The following ARHGAP39 variants were observed in gnomAD, a reference collection of about 807,000 sequenced individuals.
ARHGAP39 encodes the protein Rho GTPase activating protein 39, also known as rho GTPase-activating protein 39.
ARHGAP39 carries 44 observed loss-of-function variants against 106.9 expected under a neutral mutation model. The observed-to-expected ratio is 0.41, with a 90% CI of 0.32 to 0.53. The LOEUF is 0.53. Among genes scored for constraint, ARHGAP39 ranks in the 20% least tolerant of loss-of-function variants. The pLI is 0.21. For missense variants in ARHGAP39, 1,496 were observed against 1,577.3 expected (o/e 0.95, Z 0.87); for synonymous variants, 768 against 693.2 (o/e 1.11, Z -1.69).
intron 1 of ARHGAP39, among the ~76,000 whole-genome samples, chr8:144,611,126 G>A (rs983403298): frequency 2.0e-5 from 3 of 152,174 alleles, no homozygotes; most frequent in Non-Finnish European, 4.4e-5. Flanking sequence ...GCCTCAGAAA[G>A]CTTTCTAACC....
chr8:144,601,810 T>G (rs376718882), intron 2 of ARHGAP39, among the ~76,000 whole-genome samples: 250 of 137,942 alleles, frequency 1.8e-3, no homozygotes, highest in African/African-American at 6.3e-3. Context: ...CCTGTGTGTG[T>G]GTGTGGAGGC....
chr8:144,558,007 G>C (rs1344484771), intron 3 of ARHGAP39, among the ~76,000 whole-genome samples: 1 of 152,246 alleles, frequency 6.6e-6, no homozygotes, highest in African/African-American at 2.4e-5. Flanking sequence ...AGTGCGGAGA[G>C]ACCTCACTTA....
intron 1 of ARHGAP39, among the ~76,000 whole-genome samples, chr8:144,643,204 G>A (rs749711048): frequency 8.5e-4 from 129 of 152,258 alleles, no homozygotes; most frequent in Non-Finnish European, 1.6e-3. Flanking sequence ...GCTCACGTTT[G>A]TAATTGTAGC....
rs1403872400 is a variant in ARHGAP39 at position 144,548,391 on chromosome 8, T to C, written c.695A>G (p.Tyr232Cys). The change falls in exon 5 of 12, where the codon TAC becomes TGC. Residue 232 changes from tyrosine to cysteine, a missense_variant. By Grantham distance (194) the Tyr-to-Cys change is radical. This residue lies in a region of ARHGAP39 where 905 missense variants were observed against 816.4 expected (regional missense o/e 1.11). Transcript: ENST00000377307. The surrounding 1 kb of genome is among the most constrained non-coding windows in gnomAD (Gnocchi z 7.4). ...GACCCCAGGTGGGCCGTCTGGGGCG[T>C]AGCCATTGCCCTGGGCGGCGAGGAA... ...PSFLAAQGNG[Y>C]APDGPPGVRS... The C allele has an allele frequency of 4.3e-6, 7 of 1,610,470 alleles. No individual in the cohort carries two copies. Among genetic ancestry groups the C allele is most frequent in the Non-Finnish European group, 5.9e-6 (7 of 1,179,244 alleles).
chr8:144,541,133 G>A (rs1817174293), intron 6 of ARHGAP39, among the ~76,000 whole-genome samples: 1 of 152,244 alleles, frequency 6.6e-6, no homozygotes, highest in Non-Finnish European at 1.5e-5. Context: ...TGACAGGCGT[G>A]AGCCACCGCG....
intron 2 of ARHGAP39, among the ~76,000 whole-genome samples, chr8:144,581,829 C>T (rs1290938129): frequency 6.6e-6 from 1 of 152,162 alleles, no homozygotes; most frequent in Admixed American, 6.5e-5. Flanking sequence ...AGAGTCTCCA[C>T]CCGGCCCTCA....
intron 1 of ARHGAP39, among the ~76,000 whole-genome samples, chr8:144,620,422 G>A (rs1473309214): frequency 5.8e-5 from 3 of 51,746 alleles, no homozygotes; most frequent in Non-Finnish European, 1.1e-4. Flanking sequence ...TGTGTCCAAG[G>A]GAGCGTGTGT....
rs1018991306 is a variant in ARHGAP39 at position 144,591,316 on chromosome 8, G to C, written c.81-10039C>G. On this transcript the variant is annotated intron_variant, in intron 2 of 11. Coordinates refer to ENST00000377307, the MANE Select transcript of ARHGAP39 (RefSeq NM_025251.3). The surrounding 1 kb of genome is among the most constrained non-coding windows in gnomAD (Gnocchi z 5.3). The stretch of plus-strand genomic sequence containing the variant: ...CTGCTGGGACATTGAAAAGGACAAC[G>C]GCAGATGCAGCAGCCTCAGGGCACC... Among the ~76,000 whole-genome samples, 2 of 152,316 alleles carry C rather than the reference G, an allele frequency of 1.3e-5. No homozygotes were observed. Among genetic ancestry groups the C allele is most frequent in the East Asian group, 3.9e-4 (2 of 5,180 alleles).
chr8:144,566,004 G>A (rs1441299842), intron 3 of ARHGAP39, among the ~76,000 whole-genome samples: 1 of 151,880 alleles, frequency 6.6e-6, no homozygotes, highest in Non-Finnish European at 1.5e-5. Flanking sequence ...AGAGGTGGGA[G>A]GATCGCTTGA....
intron 10 of ARHGAP39, among the ~76,000 whole-genome samples, chr8:144,531,121 C>G (rs1816692833): frequency 6.6e-6 from 1 of 152,254 alleles, no homozygotes; most frequent in African/African-American, 2.4e-5. Context: ...GGATTTTTCT[C>G]AGGAGTCGTC....
rs1012658822 is a variant in ARHGAP39, at chr8:144,684,363, T to C, written c.-82+1323A>G. Among the ~76,000 whole-genome samples, 1 of 152,232 alleles carries C rather than the reference T, an allele frequency of 6.6e-6. No individual in the cohort carries two copies. The highest frequency in any genetic ancestry group is 1.5e-5 in the Non-Finnish European group (1 of 68,038). On this transcript the variant is annotated intron_variant, in intron 1 of 11. Transcript: ENST00000377307. This position sits in a 1 kb window ranked among gnomAD's most constrained non-coding sequence, Gnocchi z 4.4. ...ATCGGGCGCCGCCGACGGAACCACC[T>C]GCTGTCTATAGAGGGCACCTAGGAC...
intron 1 of ARHGAP39, among the ~76,000 whole-genome samples, chr8:144,667,782 G>A (rs140993093): frequency 1.1e-3 from 168 of 152,302 alleles, no homozygotes; most frequent in African/African-American, 3.8e-3. Context: ...AGGACCAAGA[G>A]CACCCACTGC....
At chr8:144,549,595 C>T (rs888768564) in intron 4 of ARHGAP39, among the ~76,000 whole-genome samples, 1 of 152,110 alleles carries the variant, frequency 6.6e-6, no homozygotes, top group Non-Finnish European at 1.5e-5. Context: ...CAAGTTCAAG[C>T]GATTCTCCTG....
At chr8:144,652,427 A>G (rs1317254973) in intron 1 of ARHGAP39, among the ~76,000 whole-genome samples, 1 of 152,192 alleles carries the variant, frequency 6.6e-6, no homozygotes, top group African/African-American at 2.4e-5. Flanking sequence ...CCAGAGAAAT[A>G]TAAATCATTC....
intron 1 of ARHGAP39, among the ~76,000 whole-genome samples, chr8:144,623,128 G>A (rs1820846531): frequency 1.3e-5 from 2 of 152,130 alleles, no homozygotes; most frequent in Admixed American, 1.3e-4. Context: ...TTTGGAGGAG[G>A]GCAAAAATAC....
At chr8:144,613,490 GTT>G (rs59528973) in intron 1 of ARHGAP39, among the ~76,000 whole-genome samples, 1 of 143,434 alleles carries the variant, frequency 7.0e-6, no homozygotes, top group African/African-American at 2.5e-5. Flanking sequence ...TTGGTGGACA[GTT>G]TTTTTTTTTT....
chr8:144,532,827 A>G (rs961482097), intron 9 of ARHGAP39, among the ~76,000 whole-genome samples: 2 of 151,598 alleles, frequency 1.3e-5, no homozygotes, highest in African/African-American at 4.9e-5. Context: ...TGAGGCTCCC[A>G]CTCCAGGCTA....
At chr8:144,669,432 A>G (rs1321145612) in intron 1 of ARHGAP39, among the ~76,000 whole-genome samples, 2 of 141,132 alleles carry the variant, frequency 1.4e-5, no homozygotes, top group Admixed American at 7.3e-5. Context: ...GCGTGAACCC[A>G]GGAGATGGAA....
Position 144,670,180 on chromosome 8 carries a change from C to T in ARHGAP39, c.-82+15506G>A, listed in dbSNP as rs768668380. ...AGCAGGATCAGGGCCTGGGACCAGG[C>T]GGCTGTAAAAAGCAACAGAGCTCGG... On this transcript the variant is annotated intron_variant, in intron 1 of 11. Coordinates refer to ENST00000377307, the MANE Select transcript of ARHGAP39 (RefSeq NM_025251.3). The surrounding 1 kb of genome is among the most constrained non-coding windows in gnomAD (Gnocchi z 4.4). 5.5e-4 allele frequency among the ~76,000 whole-genome samples: 83 copies of T among 151,954 alleles called. No individual in the cohort carries two copies. The highest frequency in any genetic ancestry group is 9.2e-4 in the Admixed American group (14 of 15,250).
Sources: allele counts gnomAD v4.1 joint callset (sites outside exome capture counted in the v4.1 genomes callset), GRCh38; gene constraint gnomAD v4.1.1; regional missense constraint gnomAD v4.1.1; non-coding constraint Gnocchi (gnomAD v3.1); transcripts MANE v1.5; gene names NCBI Gene and HGNC (gene_info 2026-07-23, HGNC 2026-07-21).